The following PLEKHG7 variants were observed in gnomAD, a reference collection of about 807,000 sequenced individuals.
PLEKHG7 encodes the protein pleckstrin homology and RhoGEF domain containing G7, also known as pleckstrin homology domain-containing family G member 7.
In PLEKHG7, 77 loss-of-function variants were observed where a neutral mutation model predicts 85.2. The observed-to-expected ratio is 0.90, with a 90% CI of 0.75 to 1.09. The LOEUF (loss-of-function observed/expected upper bound fraction) is 1.09, where lower values mean the gene tolerates loss of function less well. PLEKHG7 is among the 50% of genes least tolerant of loss of function. The pLI is 0.00. For missense variants in PLEKHG7, 777 were observed against 804.3 expected (o/e 0.97, Z 0.41); for synonymous variants, 301 against 302.4 (o/e 1.00, Z 0.05).
At chr12:92,723,496 A>C (rs905744321) in intron 3 of PLEKHG7, among the ~76,000 whole-genome samples, 11 of 152,336 alleles carry the variant, frequency 7.2e-5, no homozygotes, top group Admixed American at 5.2e-4. Context: ...AATGGAAAAA[A>C]CACATAAATA....
chr12:92,731,027 T>C (rs1229022378), intron 4 of PLEKHG7, among the ~76,000 whole-genome samples: 2 of 152,214 alleles, frequency 1.3e-5, no homozygotes, highest in Admixed American at 6.5e-5. Context: ...GATTCTGGCT[T>C]AGCAAAATTG....
At chr12:92,717,371 G>T (rs994971649) in intron 3 of PLEKHG7, among the ~76,000 whole-genome samples, 1 of 152,164 alleles carries the variant, frequency 6.6e-6, no homozygotes, top group African/African-American at 2.4e-5. Flanking sequence ...TTACCAATAG[G>T]GGGCAGCAGG....
At position 92,754,128 on chromosome 12, in the gene PLEKHG7, G is replaced by A. The variant is rs953941058; in HGVS notation, c.1290G>A (p.Val430=). ...ATGAACAATGCAGACGGCTCCACGT[G>A]CCAGAGCTGCTAGTGGCCCCACTAC... ...EQNEQCRRLH[V]PELLVAPLQR... Residue 430 remains valine, a synonymous_variant, in exon 11 of 17, where the codon GTG becomes GTA. Transcript: ENST00000344636. 6.2e-7 allele frequency: 1 copy of A among 1,614,020 alleles called. No homozygotes were observed. Among genetic ancestry groups the A allele is most frequent in the African/African-American group, 1.3e-5 (1 of 75,020 alleles).
chr12:92,704,874 G>A (rs1183857551), intron 1 of PLEKHG7, among the ~76,000 whole-genome samples: 1 of 152,100 alleles, frequency 6.6e-6, no homozygotes, highest in East Asian at 1.9e-4. Context: ...CTCTGTGCCT[G>A]GACTTACTTG....
At chr12:92,744,238 C>CT (rs1412248442) in intron 9 of PLEKHG7, among the ~76,000 whole-genome samples, 1 of 152,162 alleles carries the variant, frequency 6.6e-6, no homozygotes, top group Non-Finnish European at 1.5e-5. Flanking sequence ...TTGGAAATTC[C>CT]TTAATGCAGC....
At chr12:92,762,011 T>C (rs751750537) in intron 14 of PLEKHG7, among the ~76,000 whole-genome samples, 180 bp downstream of exon 14, 15 of 151,754 alleles carry the variant, frequency 9.9e-5, no homozygotes, top group Non-Finnish European at 2.2e-4. Context: ...AGTAAATAAA[T>C]AAATAAATAA....
chr12:92,705,111 G>A (rs929384573), intron 1 of PLEKHG7, among the ~76,000 whole-genome samples: 7 of 152,262 alleles, frequency 4.6e-5, no homozygotes, highest in Non-Finnish European at 8.8e-5. Flanking sequence ...CCATAGGCAA[G>A]TACAAAAAGC....
At chr12:92,764,431 C>A (rs967474848) in intron 15 of PLEKHG7, among the ~76,000 whole-genome samples, 3 of 152,020 alleles carry the variant, frequency 2.0e-5, no homozygotes, top group African/African-American at 7.2e-5. Context: ...GTTTTCTAAG[C>A]CTTTGAGAAA....
rs1024840196 is a variant in PLEKHG7, at chr12:92,763,913, T to A, written c.1717-128T>A. ...GCTTTTCAAGATCCAGAAAGAGTAG[T>A]AAGATTTTAGGCAATAATAGTTTTT... On this transcript the variant is annotated intron_variant, in intron 14 of 16. Transcript: ENST00000344636. 42 of 662,190 alleles carry A rather than the reference T, an allele frequency of 6.3e-5. 2 individuals are homozygous for A. The highest frequency in any genetic ancestry group is 2.3e-6 in the Non-Finnish European group (1 of 430,254). 41.0% of individuals were successfully genotyped at this position (662,190 alleles called of 1,614,324 possible).
At chr12:92,734,148 A>G (rs1023928035) in intron 5 of PLEKHG7, among the ~76,000 whole-genome samples, 9 of 152,186 alleles carry the variant, frequency 5.9e-5, no homozygotes, top group African/African-American at 2.2e-4. Context: ...TCTTTCATTT[A>G]TCCTCTTAGC....
At chr12:92,717,722 G>A (rs1871528542) in intron 3 of PLEKHG7, among the ~76,000 whole-genome samples, 1 of 152,186 alleles carries the variant, frequency 6.6e-6, no homozygotes, top group South Asian at 2.1e-4. Flanking sequence ...AACCCCCAGT[G>A]ACACCTTACA....
At chr12:92,747,205 G>A (rs1242376321) in intron 10 of PLEKHG7, among the ~76,000 whole-genome samples, 1 of 150,278 alleles carries the variant, frequency 6.7e-6, no homozygotes, top group Non-Finnish European at 1.5e-5. Context: ...AGTGAGAAAA[G>A]AATCTGAGTT....
chr12:92,769,161 G>A, intron 16 of PLEKHG7, 81 bp downstream of exon 16: 1 of 1,101,772 alleles, frequency 9.1e-7, no homozygotes, highest in Non-Finnish European at 1.3e-6. Context: ...AACAGTGAAT[G>A]GAAAGTTTTG....
intron 3 of PLEKHG7, among the ~76,000 whole-genome samples, chr12:92,722,644 C>T (rs1871680143): frequency 6.6e-6 from 1 of 152,114 alleles, no homozygotes. Context: ...CAGAAGGTAT[C>T]CCAGATGAGC....
intron 13 of PLEKHG7, among the ~76,000 whole-genome samples, chr12:92,760,296 A>G (rs1015428127): frequency 1.3e-4 from 20 of 152,178 alleles, no homozygotes; most frequent in African/African-American, 4.3e-4. Flanking sequence ...CTTTGCCACA[A>G]CTTGATTTAT....
intron 10 of PLEKHG7, among the ~76,000 whole-genome samples, chr12:92,746,870 A>C (rs1872548713): frequency 6.6e-6 from 1 of 152,224 alleles, no homozygotes; most frequent in African/African-American, 2.4e-5. Flanking sequence ...ACCATATGTA[A>C]AAATCAAATA....
intron 16 of PLEKHG7, 92 bp downstream of exon 16, chr12:92,769,172 T>G: frequency 1.0e-6 from 1 of 985,024 alleles, no homozygotes; most frequent in Non-Finnish European, 1.5e-6. Flanking sequence ...GAAAGTTTTG[T>G]GTTTTTCTCT....
At chr12:92,742,580 TTTG>T (rs1189277580) in intron 9 of PLEKHG7, among the ~76,000 whole-genome samples, 3 of 126,340 alleles carry the variant, frequency 2.4e-5, no homozygotes, top group African/African-American at 9.0e-5. Flanking sequence ...GATATTTTTG[TTTG>T]TTGTTTAGTT....
At chr12:92,761,988 C>A (rs186599816) in intron 14 of PLEKHG7, among the ~76,000 whole-genome samples, 157 bp downstream of exon 14, 2 of 151,628 alleles carry the variant, frequency 1.3e-5, no homozygotes, top group African/African-American at 4.9e-5. Context: ...CTTTTTTAGT[C>A]ATAAAGCTCT....
Sources: gnomAD v4.1 joint callset for allele counts (sites outside exome capture counted in the v4.1 genomes callset) on GRCh38, gnomAD v4.1.1 for gene constraint, MANE v1.5 for transcripts, NCBI Gene and HGNC (gene_info 2026-07-23, HGNC 2026-07-21) for gene names.